CHMP7: variants seen among roughly 807,000 people sequenced by gnomAD.
CHMP7 encodes the protein charged multivesicular body protein 7.
In CHMP7, 15 loss-of-function variants were observed where a neutral mutation model predicts 53.7. The ratio of observed to expected loss-of-function variants is 0.28; its 90% CI spans 0.19 to 0.43. The LOEUF (loss-of-function observed/expected upper bound fraction) is 0.43. Ranked by LOEUF, CHMP7 falls within the 20% of genes least tolerant of loss-of-function variation. The pLI is 1.00. For missense variants in CHMP7, 527 were observed against 569.4 expected (o/e 0.93, Z 0.76); for synonymous variants, 261 against 228.0 (o/e 1.14, Z -1.30).
At position 23,256,605 on chromosome 8, in the gene CHMP7, C is replaced by G. The variant is rs1295768951; in HGVS notation, c.791+12C>G. Reference sequence around the variant, plus strand: ...CAGGAAGCAGAGAGGTAACTTTTAACCCTGAACTGAGCCTCCTCCCCACTG... The same window carrying G: ...CAGGAAGCAGAGAGGTAACTTTTAAGCCTGAACTGAGCCTCCTCCCCACTG... On this transcript the variant is annotated intron_variant, in intron 5 of 10. Transcript: ENST00000397677. The G allele has an allele frequency of 6.2e-7, 1 of 1,612,722 alleles. No individual in the cohort carries two copies. Among genetic ancestry groups the G allele is most frequent in the Admixed American group, 1.7e-5 (1 of 59,954 alleles).
In CHMP7 at chr8:23,256,538, C is replaced by G; in HGVS notation, c.736C>G (p.Gln246Glu). The change falls in exon 5 of 11, where the codon CAG becomes GAG. Residue 246 changes from glutamine to glutamate, a missense_variant. By Grantham distance (29) the Gln-to-Glu change is conservative (BLOSUM62 2). Coordinates refer to ENST00000397677, the MANE Select transcript of CHMP7 (RefSeq NM_152272.5). ...AGATGTTGGGGTGTACCAGCTGATGCAGAGTGAACAGCTTCTCTCACGCAA... is the reference window on the plus strand; with the variant it reads ...AGATGTTGGGGTGTACCAGCTGATGGAGAGTGAACAGCTTCTCTCACGCAA... ...DVDVGVYQLM[Q>E]SEQLLSRKVE... 6.2e-7 allele frequency: 1 copy of G among 1,612,588 alleles called. No homozygotes were observed. The highest frequency in any genetic ancestry group is 1.7e-4 in the Middle Eastern group (1 of 6,060).
chr8:23,255,085 C>T lies in CHMP7; in HGVS notation c.472-162C>T. 5.8e-6 allele frequency: 4 copies of T among 687,878 alleles called. No individual in the cohort carries two copies. The South Asian group carries it at 7.1e-5, about 12-fold the overall frequency. The allele number at this position is 687,878 out of a possible 1,614,324, so 42.6% of individuals were successfully genotyped here. On this transcript the variant is annotated intron_variant, in intron 3 of 10. Coordinates refer to ENST00000397677, the MANE Select transcript of CHMP7 (RefSeq NM_152272.5). Reference sequence around the variant, plus strand: ...AACTTTCCTCCAAGGCTTAAAAACACAGATCCTTCCTCCTTTTTGAAAAGC... The same window carrying T: ...AACTTTCCTCCAAGGCTTAAAAACATAGATCCTTCCTCCTTTTTGAAAAGC...
At position 23,249,336 on chromosome 8, in the gene CHMP7, T is replaced by C; in HGVS notation, c.426T>C (p.Asn142=). 6.2e-7 allele frequency: 1 copy of C among 1,612,252 alleles called. No individual in the cohort carries two copies. Among genetic ancestry groups the C allele is most frequent in the Non-Finnish European group, 8.5e-7 (1 of 1,179,280 alleles). ...KWTLSNMLGD[N]KVPAEEVLVA... is the part of the protein sequence containing the mutation. ...CTCTTTCTAACATGCTGGGAGATAA[T>C]AAGGTTCCAGCTGAGGAGGTCCTTG... The change falls in exon 3 of 11, where the codon AAT becomes AAC. Residue 142 remains asparagine, a synonymous_variant. Coordinates refer to ENST00000397677, the MANE Select transcript of CHMP7 (RefSeq NM_152272.5).
rs762230827 is a variant in CHMP7, at chr8:23,246,947, G to A, written c.252G>A (p.Lys84=). Residue 84 remains lysine, a synonymous_variant, in exon 2 of 11, where the codon AAG becomes AAA. Transcript: ENST00000397677. ...ACTTGCAGGAGGCCTTTCAGCGCAA[G>A]GGGAGCGTCCCGCTGGGGCTGGCCA... The part of the protein sequence containing the change: ...LRDLQEAFQR[K]GSVPLGLATV... The A allele has an allele frequency of 2.0e-5, 31 of 1,553,464 alleles. No individual in the cohort carries two copies. Among genetic ancestry groups the A allele is most frequent in the Admixed American group, 9.7e-5 (5 of 51,496 alleles).
At chr8:23,255,105 A>G (rs895736533) in intron 3 of CHMP7, 142 bp from the exon 4 acceptor site, 2 of 789,924 alleles carry the variant, frequency 2.5e-6, no homozygotes, top group East Asian at 2.7e-5. Context: ...CTCCTTTTTG[A>G]AAAGCCGCTA....
chr8:23,253,170 G>C (rs958270954), intron 3 of CHMP7, among the ~76,000 whole-genome samples: 1 of 152,156 alleles, frequency 6.6e-6, no homozygotes, highest in Non-Finnish European at 1.5e-5. Context: ...CTTTGCTGTG[G>C]ATATGCTGAG....
intron 5 of CHMP7, 70 bp downstream of exon 5, chr8:23,256,663 A>G (rs1251942309): frequency 3.1e-6 from 4 of 1,291,696 alleles, no homozygotes; most frequent in East Asian, 4.9e-5. Flanking sequence ...AAATGTTAGT[A>G]TATGTGGGCT....
At chr8:23,260,067 T>C in intron 9 of CHMP7, 77 bp from the exon 10 acceptor site, 1 of 1,245,280 alleles carries the variant, frequency 8.0e-7, no homozygotes, top group Admixed American at 2.2e-5. Context: ...AAGCGGGTTT[T>C]GGTAACCTCA....
chr8:23,250,263 C>A (rs1311914668), intron 3 of CHMP7, among the ~76,000 whole-genome samples: 2 of 152,138 alleles, frequency 1.3e-5, no homozygotes, highest in East Asian at 3.9e-4. Flanking sequence ...TGTCCTCTTA[C>A]CCCAAGCCTG....
chr8:23,247,067 G>T, intron 2 of CHMP7, 73 bp downstream of exon 2: 4 of 1,391,798 alleles, frequency 2.9e-6, no homozygotes, highest in Non-Finnish European at 3.8e-6. Context: ...CCCTGGTCCT[G>T]TTCTCTGCAC....
Position 23,249,305 on chromosome 8 carries a change from A to G in CHMP7, c.395A>G (p.Lys132Arg), listed in dbSNP as rs761321257. Residue 132 changes from lysine (K) to arginine (R), a missense_variant, in exon 3 of 11, where the codon AAG (lysine) becomes AGG (arginine). Coordinates refer to ENST00000397677, the MANE Select transcript of CHMP7 (RefSeq NM_152272.5). ...GGGGTCTTCCTGCTGAAGCCTCTCA[A>G]GTGGACTCTTTCTAACATGCTGGGA... ...GVGVFLLKPL[K>R]WTLSNMLGDN... 3.7e-6 allele frequency: 6 copies of G among 1,613,498 alleles called. No individual in the cohort carries two copies. The South Asian group carries it at 6.6e-5, about 18-fold the overall frequency.
chr8:23,248,815 G>A (rs895245769), intron 2 of CHMP7, among the ~76,000 whole-genome samples: 5 of 152,182 alleles, frequency 3.3e-5, no homozygotes, highest in Admixed American at 1.3e-4. Context: ...ACTCGACAGT[G>A]ATTTATTTTC....
chr8:23,256,769 G>C, intron 5 of CHMP7, 176 bp downstream of exon 5: 18 of 227,746 alleles, frequency 7.9e-5, no homozygotes, highest in East Asian at 3.4e-4. Context: ...TATCACAAAA[G>C]AGAAAAAAAA....
chr8:23,260,547 C>T lies in CHMP7; in HGVS notation c.1310C>T (p.Pro437Leu). 6.3e-7 allele frequency: 1 copy of T among 1,584,072 alleles called. No individual in the cohort carries two copies. The highest frequency in any genetic ancestry group is 8.7e-7 in the Non-Finnish European group (1 of 1,155,396). Residue 437 changes from proline to leucine, a missense_variant, in exon 11 of 11, where the codon CCA (proline) becomes CTA (leucine). Physicochemically the swap from Pro to Leu is moderately conservative, Grantham distance 98. Coordinates refer to ENST00000397677, the MANE Select transcript of CHMP7 (RefSeq NM_152272.5). Reference sequence around the variant, plus strand: ...TTTCTTTGCCTTGCAGGTTTGGTCCCAAGCAGTAAATCTCCAAAAAGGCAA... The same window carrying T: ...TTTCTTTGCCTTGCAGGTTTGGTCCTAAGCAGTAAATCTCCAAAAAGGCAA... ...KLSLSEGGLV[P>L]SSKSPKRQLE...
Position 23,258,765 on chromosome 8 carries a change from C to G in CHMP7, c.994C>G (p.Leu332Val). 6.2e-7 allele frequency: 1 copy of G among 1,613,700 alleles called. No homozygotes were observed. Among genetic ancestry groups the G allele is most frequent in the Admixed American group, 1.7e-5 (1 of 59,984 alleles). ...CGCCTACCAGGCTGGGGTAGGAGCACTCAAACTCTCCATGAAGGATGTCAC... is the reference window on the plus strand; with the variant it reads ...CGCCTACCAGGCTGGGGTAGGAGCAGTCAAACTCTCCATGAAGGATGTCAC... ...FNAYQAGVGA[L>V]KLSMKDVTVE... Residue 332 changes from leucine to valine, a missense_variant, in exon 8 of 11, where the codon CTC (leucine) becomes GTC (valine). By Grantham distance (32) the Leu-to-Val change is conservative. Coordinates refer to ENST00000397677, the MANE Select transcript of CHMP7 (RefSeq NM_152272.5).
At chr8:23,258,497 G>A in intron 7 of CHMP7, 48 bp downstream of exon 7, 1 of 1,607,384 alleles carries the variant, frequency 6.2e-7, no homozygotes, top group Non-Finnish European at 8.5e-7. Flanking sequence ...CTCCGTGTGT[G>A]TTGGTCACTT....
At chr8:23,248,397 C>T (rs920754775) in intron 2 of CHMP7, among the ~76,000 whole-genome samples, 12 of 152,176 alleles carry the variant, frequency 7.9e-5, no homozygotes, top group Non-Finnish European at 1.6e-4. Flanking sequence ...ACGGAGGCGA[C>T]GTGGCATAGT....
At chr8:23,251,729 A>T (rs1177565464) in intron 3 of CHMP7, among the ~76,000 whole-genome samples, 1 of 152,148 alleles carries the variant, frequency 6.6e-6, no homozygotes, top group Non-Finnish European at 1.5e-5. Context: ...GATTTACTCG[A>T]TTCTTTTTGA....
intron 4 of CHMP7, among the ~76,000 whole-genome samples, chr8:23,255,809 C>T (rs917003230): frequency 3.6e-5 from 5 of 140,466 alleles, no homozygotes; most frequent in East Asian, 2.1e-4. Flanking sequence ...CTTGCTCTGT[C>T]GCCCAGCAAT....
Sources: gnomAD v4.1 joint callset for allele counts (sites outside exome capture counted in the v4.1 genomes callset) on GRCh38, gnomAD v4.1.1 for gene constraint, MANE v1.5 for transcripts, NCBI Gene and HGNC (gene_info 2026-07-23, HGNC 2026-07-21) for gene names.